TROAP: variants seen among roughly 807,000 people sequenced by gnomAD.
TROAP encodes trophinin associated protein.
TROAP carries 62 observed loss-of-function variants against 83.4 expected under a neutral mutation model. That is an observed-to-expected ratio of 0.74 (90% CI 0.61 to 0.92). TROAP has a LOEUF of 0.92. TROAP is among the 40% of genes least tolerant of loss of function. TROAP has a pLI of 0.00. For synonymous variants in TROAP, 352 were observed against 386.4 expected (o/e 0.91, Z 1.04); for missense variants, 876 against 985.1 (o/e 0.89, Z 1.48).
rs116139076 is a variant in TROAP, at chr12:49,329,868, C to T, written c.1176C>T (p.Ala392=). The T allele has an allele frequency of 1.8e-4, 286 of 1,613,814 alleles. No individual in the cohort carries two copies. In the African/African-American group the frequency reaches 3.4e-3, roughly 19 times the overall value. ...TTCCTTGGTGACAGGAGCAGGTTGC[C>T]GTCCGGTTGTTTGACCAGGAGAGTT... ...EDPALPWEQV[A]VRLFDQESCI... is the part of the protein sequence containing the mutation. The change falls in exon 12 of 15, where the codon GCC becomes GCT. Residue 392 remains alanine (A), a synonymous_variant. Coordinates refer to ENST00000257909, the MANE Select transcript of TROAP (RefSeq NM_005480.4). This position sits in a 1 kb window ranked among gnomAD's most constrained non-coding sequence, Gnocchi z 4.5.
rs1269020212 is a variant in TROAP at position 49,330,863 on chromosome 12, T to C, written c.2018T>C (p.Ile673Thr). 6.2e-7 allele frequency: 1 copy of C among 1,613,028 alleles called. No homozygotes were observed. The highest frequency in any genetic ancestry group is 8.5e-7 in the Non-Finnish European group (1 of 1,179,968). ...SQWAPATTSL[I>T]FSSQHPLCAS... The stretch of plus-strand genomic sequence containing the variant: ...TGGGCTCCAGCAACCACCAGCCTGA[T>C]CTTCTCTTCCCAACACCCGCTTTGT... Residue 673 changes from isoleucine (I) to threonine (T), a missense_variant, in exon 13 of 15, where the codon ATC becomes ACC. Physicochemically the swap from Ile to Thr is moderately conservative, Grantham distance 89. Transcript: ENST00000257909.
chr12:49,325,306 T>A, intron 3 of TROAP, 195 bp from the exon 4 acceptor site: 1 of 510,574 alleles, frequency 2.0e-6, no homozygotes, highest in East Asian at 3.6e-5. Flanking sequence ...TCCACCCGCC[T>A]CGGCCTCCCA....
Position 49,324,357 on chromosome 12 carries a change from A to G in TROAP, c.337+320A>G, listed in dbSNP as rs1170092. 1.6e-5 allele frequency: 9 copies of G among 553,546 alleles called. No individual in the cohort carries two copies. The South Asian group carries it at 2.2e-4, about 13-fold the overall frequency. The allele number at this position is 553,546 out of a possible 1,614,324, so 34.3% of individuals were successfully genotyped here. A position where few individuals can be genotyped will look rare whatever the true frequency, so the allele number is the denominator to read the frequency against. On this transcript the variant is annotated intron_variant, in intron 3 of 14. Coordinates refer to ENST00000257909, the MANE Select transcript of TROAP (RefSeq NM_005480.4). ...TCCCATCTCTTTAAAAAATAAATAA[A>G]TAAATAAATAATAAATATCACTTCT...
intron 8 of TROAP, 65 bp from the exon 9 acceptor site, chr12:49,328,862 T>C: frequency 6.7e-7 from 1 of 1,483,454 alleles, no homozygotes; most frequent in South Asian, 1.4e-5. Context: ...AGACTCCGTA[T>C]CAAAAAAAAA....
chr12:49,325,242 G>A (rs1943479896), intron 3 of TROAP, among the ~76,000 whole-genome samples: 1 of 151,116 alleles, frequency 6.6e-6, no homozygotes, highest in Non-Finnish European at 1.5e-5. Flanking sequence ...TTTTAGTGGA[G>A]ACAGGGTTTT....
At position 49,328,482 on chromosome 12, in the gene TROAP, C is replaced by T. The variant is rs192634628; in HGVS notation, c.892-445C>T. On this transcript the variant is annotated intron_variant, in intron 8 of 14. Coordinates refer to ENST00000257909, the MANE Select transcript of TROAP (RefSeq NM_005480.4). The stretch of plus-strand genomic sequence containing the variant: ...AGGTGCTCCACCCTCCTCGGCTTCC[C>T]GAAGTGCTGGGATTACAGGCCTGAG... Among the ~76,000 whole-genome samples, 27 of 152,134 alleles carry T rather than the reference C, an allele frequency of 1.8e-4. No individual in the cohort carries two copies. In the East Asian group the frequency reaches 4.3e-3, roughly 24 times the overall value.
Position 49,329,033 on chromosome 12 carries a change from C to T in TROAP, c.998C>T (p.Pro333Leu), listed in dbSNP as rs143299428. ...PSPFGRAQRV[P>L]SPGPPTLTSY... is the part of the protein sequence containing the mutation. ...CCCTTTGGACGGGCTCAGCGTGTAC[C>T]CTCCCCAGGCCCTCCAACTCTGGTT... is the stretch of plus-strand genomic sequence containing the variant. The change falls in exon 9 of 15, where the codon CCC becomes CTC. Residue 333 changes from proline (P) to leucine (L), a missense_variant. Coordinates refer to ENST00000257909, the MANE Select transcript of TROAP (RefSeq NM_005480.4). The surrounding 1 kb of genome is among the most constrained non-coding windows in gnomAD (Gnocchi z 4.5). 3.8e-4 allele frequency: 608 copies of T among 1,610,962 alleles called. 1 individual carries two copies. The highest frequency in any genetic ancestry group is 2.6e-3 in the Middle Eastern group (16 of 6,054).
chr12:49,329,907 G>A lies in TROAP; in HGVS notation c.1215G>A (p.Leu405=), dbSNP rs1943552699. 1 of 1,614,054 alleles carries A rather than the reference G, an allele frequency of 6.2e-7. No homozygotes were observed. The change falls in exon 12 of 15, where the codon CTG becomes CTA. Residue 405 remains leucine, a synonymous_variant. Transcript: ENST00000257909. This position sits in a 1 kb window ranked among gnomAD's most constrained non-coding sequence, Gnocchi z 4.5. ...LFDQESCIRS[L]EGSGKPPVAT... ...ACCAGGAGAGTTGTATAAGGTCACT[G>A]GAGGGTTCTGGGAAACCACCGGTGG...
chr12:49,325,160 C>G (rs897404000), intron 3 of TROAP, among the ~76,000 whole-genome samples: 14 of 151,844 alleles, frequency 9.2e-5, no homozygotes, highest in African/African-American at 3.1e-4. Context: ...CTCAGGTGAT[C>G]CACCTGCCTC....
chr12:49,328,842 T>A, intron 8 of TROAP, 85 bp from the exon 9 acceptor site: 2 of 1,478,464 alleles, frequency 1.4e-6, no homozygotes, highest in Non-Finnish European at 1.8e-6. Context: ...CCATCCTGGG[T>A]GACAGAGCGA....
chr12:49,326,277 A>G, intron 6 of TROAP, 119 bp downstream of exon 6: 1 of 976,878 alleles, frequency 1.0e-6, no homozygotes. Context: ...CCAACTCAGG[A>G]GGGGAAGCAA....
rs992554693 is a variant in TROAP, at chr12:49,330,302, C to G, written c.1457C>G (p.Ser486Cys). ...ACTCTGAATGCCACAGAGCATAACTCTGGGACTTCCCACCTTCCTGGACTG... is the reference window on the plus strand; with the variant it reads ...ACTCTGAATGCCACAGAGCATAACTGTGGGACTTCCCACCTTCCTGGACTG... ...SRTLNATEHN[S>C]GTSHLPGLLK... The change falls in exon 13 of 15, where the codon TCT becomes TGT. Residue 486 changes from serine to cysteine, a missense_variant. Transcript: ENST00000257909. The G allele has an allele frequency of 6.2e-7, 1 of 1,612,032 alleles. No homozygotes were observed. The highest frequency in any genetic ancestry group is 1.1e-5 in the South Asian group (1 of 91,088).
Position 49,329,368 on chromosome 12 carries a change from C to A in TROAP, c.1105-27C>A. 6.2e-7 allele frequency: 1 copy of A among 1,612,852 alleles called. No homozygotes were observed. The highest frequency in any genetic ancestry group is 8.5e-7 in the Non-Finnish European group (1 of 1,179,120). On this transcript the variant is annotated intron_variant, in intron 10 of 14. Coordinates refer to ENST00000257909, the MANE Select transcript of TROAP (RefSeq NM_005480.4). The surrounding 1 kb of genome is among the most constrained non-coding windows in gnomAD (Gnocchi z 4.5). ...TGAGTGCCATCTGTGGGTGTCAGCC[C>A]TTGCTGACATCTCACTTCTGTGCCA...
chr12:49,325,452 A>G (rs1385411231), intron 3 of TROAP, 49 bp from the exon 4 acceptor site: 1 of 1,576,646 alleles, frequency 6.3e-7, no homozygotes, highest in Admixed American at 1.8e-5. Flanking sequence ...TAGGGGCCCT[A>G]TCCCCCTCAG....
chr12:49,331,583 C>T lies in TROAP; in HGVS notation c.2303C>T (p.Pro768Leu). The T allele has an allele frequency of 6.2e-7, 1 of 1,614,168 alleles. No individual in the cohort carries two copies. The highest frequency in any genetic ancestry group is 8.5e-7 in the Non-Finnish European group (1 of 1,180,032). Reference sequence around the variant, plus strand: ...CTTCTCTGTCTCCAGTGTTTCATTCCAGTTGGTTCTGCTGCCCCCCAGGGC... The same window carrying T: ...CTTCTCTGTCTCCAGTGTTTCATTCTAGTTGGTTCTGCTGCCCCCCAGGGC... ...LEWQDALCFI[P>L]VGSAAPQGSP The change falls in exon 15 of 15, where the codon CCA (proline) becomes CTA (leucine). Residue 768 changes from proline (P) to leucine (L), a missense_variant. By Grantham distance (98) the Pro-to-Leu change is moderately conservative. Around this residue, in one of 3 missense-constraint regions of TROAP, gnomAD observed 184 missense variants for 238.3 expected, o/e 0.77. Coordinates refer to ENST00000257909, the MANE Select transcript of TROAP (RefSeq NM_005480.4).
chr12:49,324,414 A>G, intron 3 of TROAP: 1 of 477,044 alleles, frequency 2.1e-6, no homozygotes, highest in Non-Finnish European at 3.6e-6. Context: ...CCATGTCACA[A>G]TCAGTTGCTC....
chr12:49,325,913 G>T, intron 5 of TROAP, 29 bp downstream of exon 5: 1 of 1,607,582 alleles, frequency 6.2e-7, no homozygotes, highest in South Asian at 1.1e-5. Context: ...CTGATAGTCG[G>T]TGCTTCTGGG....
rs1384900682 is a variant in TROAP at position 49,331,412 on chromosome 12, G to C, written c.2292+5G>C. The C allele has an allele frequency of 6.2e-7, 1 of 1,611,816 alleles. No individual in the cohort carries two copies. The highest frequency in any genetic ancestry group is 8.5e-7 in the Non-Finnish European group (1 of 1,178,476). On this transcript the variant is annotated splice_donor_5th_base_variant and intron_variant, in intron 14 of 14. Coordinates refer to ENST00000257909, the MANE Select transcript of TROAP (RefSeq NM_005480.4). ...CTCGAATGGCAGGATGCCCTGGTGA[G>C]ACTCCAACCCACAGCCCAGCTGTGG...
In TROAP at chr12:49,323,936, C is replaced by T; in HGVS notation, c.236C>T (p.Ser79Leu). 6.2e-7 allele frequency: 1 copy of T among 1,614,168 alleles called. No individual in the cohort carries two copies. Among genetic ancestry groups the T allele is most frequent in the Non-Finnish European group, 8.5e-7 (1 of 1,180,044 alleles). Reference protein sequence around the residue: ...RPKARHQAETSQRLVGISQPR... With the variant: ...RPKARHQAETLQRLVGISQPR... Reference sequence around the variant, plus strand: ...AAAGCCAGGCACCAGGCAGAGACATCACAAAGATTGGTGGGGATCAGTCAG... The same window carrying T: ...AAAGCCAGGCACCAGGCAGAGACATTACAAAGATTGGTGGGGATCAGTCAG... The change falls in exon 3 of 15, where the codon TCA (serine) becomes TTA (leucine). Residue 79 changes from serine (S) to leucine (L), a missense_variant. This residue lies in a region of TROAP where 689 missense variants were observed against 722.6 expected (regional missense o/e 0.95). Transcript: ENST00000257909.
Sources: allele counts gnomAD v4.1 joint callset (sites outside exome capture counted in the v4.1 genomes callset), GRCh38; gene constraint gnomAD v4.1.1; regional missense constraint gnomAD v4.1.1; non-coding constraint Gnocchi (gnomAD v3.1); transcripts MANE v1.5; gene names NCBI Gene and HGNC (gene_info 2026-07-23, HGNC 2026-07-21).